FAM184B: variants seen among roughly 807,000 people sequenced by gnomAD.
FAM184B encodes the protein family with sequence similarity 184 member B.
A neutral mutation model predicts 135.9 loss-of-function variants in FAM184B; 111 were observed. The ratio of observed to expected loss-of-function variants is 0.82; its 90% CI spans 0.70 to 0.96. The LOEUF (loss-of-function observed/expected upper bound fraction) is 0.96, where lower values mean the gene tolerates loss of function less well. Ranked by LOEUF, FAM184B falls within the 40% of genes least tolerant of loss-of-function variation. The pLI is 0.00. For missense variants in FAM184B, 1,375 were observed against 1,323.9 expected (o/e 1.04, Z -0.60); for synonymous variants, 552 against 524.8 (o/e 1.05, Z -0.71).
At chr4:17,667,512 G>T (rs1716083751) in intron 7 of FAM184B, among the ~76,000 whole-genome samples, 1 of 152,212 alleles carries the variant, frequency 6.6e-6, no homozygotes. Context: ...TCATCATGGA[G>T]ATGGCACTTG....
chr4:17,727,904 T>A lies in FAM184B; in HGVS notation c.142-18260A>T, dbSNP rs1717678660. ...AAGGGTCAAATAAGCTTGGGGAGTGTTTGGTTAGCTCTGTTATAAAGACAT... is the reference window on the plus strand; with the variant it reads ...AAGGGTCAAATAAGCTTGGGGAGTGATTGGTTAGCTCTGTTATAAAGACAT... On this transcript the variant is annotated intron_variant, in intron 1 of 17. Coordinates refer to ENST00000265018, the MANE Select transcript of FAM184B (RefSeq NM_015688.2). Among the ~76,000 whole-genome samples, 3 of 152,020 alleles carry A rather than the reference T, an allele frequency of 2.0e-5. No individual in the cohort carries two copies. In the South Asian group the frequency reaches 6.2e-4, roughly 32 times the overall value.
intron 7 of FAM184B, among the ~76,000 whole-genome samples, chr4:17,677,192 T>C (rs1208461401): frequency 1.3e-5 from 2 of 152,034 alleles, no homozygotes; most frequent in Non-Finnish European, 2.9e-5. Flanking sequence ...GGACTACAGG[T>C]ACACACCACC....
intron 1 of FAM184B, among the ~76,000 whole-genome samples, chr4:17,714,179 T>G (rs1717356321): frequency 6.6e-6 from 1 of 152,180 alleles, no homozygotes. Flanking sequence ...TCATCAAGGA[T>G]TCACGCTTTC....
intron 1 of FAM184B, among the ~76,000 whole-genome samples, chr4:17,763,032 T>C (rs540841113): frequency 1.7e-4 from 26 of 152,212 alleles, no homozygotes; most frequent in Non-Finnish European, 3.8e-4. Context: ...GTGTTTTCTA[T>C]GGTTTTTGGA....
At chr4:17,732,958 T>C (rs964340814) in intron 1 of FAM184B, among the ~76,000 whole-genome samples, 2 of 152,146 alleles carry the variant, frequency 1.3e-5, no homozygotes, top group Admixed American at 1.3e-4. Flanking sequence ...GCAAACCGAA[T>C]CCAGCAGCAC....
chr4:17,650,450 C>G (rs954729434), intron 11 of FAM184B, among the ~76,000 whole-genome samples: 1 of 152,164 alleles, frequency 6.6e-6, no homozygotes, highest in Non-Finnish European at 1.5e-5. Context: ...TGCTGAGAAG[C>G]CCAGCCTTTC....
At chr4:17,687,526 G>A (rs952430542) in intron 7 of FAM184B, among the ~76,000 whole-genome samples, 2 of 152,158 alleles carry the variant, frequency 1.3e-5, no homozygotes, top group Non-Finnish European at 2.9e-5. Flanking sequence ...CTGTACCTAT[G>A]AATGTGATCT....
At chr4:17,673,916 T>TA (rs551350441) in intron 7 of FAM184B, among the ~76,000 whole-genome samples, 2 of 151,270 alleles carry the variant, frequency 1.3e-5, no homozygotes, top group East Asian at 1.9e-4. Context: ...CCTATGGAAA[T>TA]AAAAAAAAAT....
intron 13 of FAM184B, among the ~76,000 whole-genome samples, chr4:17,640,758 G>A (rs1256701400): frequency 6.6e-6 from 1 of 152,134 alleles, no homozygotes; most frequent in Admixed American, 6.5e-5. Context: ...TAAAGAAATT[G>A]AATTTGTATT....
chr4:17,706,482 G>A (rs747107035), intron 3 of FAM184B, among the ~76,000 whole-genome samples: 3 of 152,186 alleles, frequency 2.0e-5, no homozygotes, highest in Non-Finnish European at 4.4e-5. Flanking sequence ...CCTGAAGGCA[G>A]CTCCCAGGTT....
At chr4:17,699,808 T>A (rs1716944347) in intron 5 of FAM184B, among the ~76,000 whole-genome samples, 1 of 152,086 alleles carries the variant, frequency 6.6e-6, no homozygotes, top group Non-Finnish European at 1.5e-5. Flanking sequence ...CTCATTAACT[T>A]TTTTTTCTCT....
Position 17,781,171 on chromosome 4 carries a change from G to A in FAM184B, c.129C>T (p.Ala43=). 1 of 1,546,868 alleles carries A rather than the reference G, an allele frequency of 6.5e-7. No individual in the cohort carries two copies. Among genetic ancestry groups the A allele is most frequent in the Non-Finnish European group, 8.7e-7 (1 of 1,144,700 alleles). Reference sequence around the variant, plus strand: ...CGCCCCACCTTACCTTGGTGAGCTGGGCGATCTTCTTGCACATTTTCACGT... The same window carrying A: ...CGCCCCACCTTACCTTGGTGAGCTGAGCGATCTTCTTGCACATTTTCACGT... The part of the protein sequence containing the change: ...QMHVKMCKKI[A]QLTKVIYALN... The change falls in exon 1 of 18, where the codon GCC becomes GCT. Residue 43 remains alanine, a synonymous_variant. Coordinates refer to ENST00000265018, the MANE Select transcript of FAM184B (RefSeq NM_015688.2). The surrounding 1 kb of genome is among the most constrained non-coding windows in gnomAD (Gnocchi z 6.5).
chr4:17,758,789 AG>A (rs1718479405), intron 1 of FAM184B, among the ~76,000 whole-genome samples: 1 of 152,204 alleles, frequency 6.6e-6, no homozygotes, highest in African/African-American at 2.4e-5. Flanking sequence ...AGCACTCTGC[AG>A]TTGCAAAGCA....
chr4:17,726,473 G>C (rs1308021917), intron 1 of FAM184B, among the ~76,000 whole-genome samples: 1 of 152,144 alleles, frequency 6.6e-6, no homozygotes, highest in Admixed American at 6.5e-5. Context: ...CCAGGTTCAA[G>C]TGACTCTTGT....
Position 17,709,416 on chromosome 4 carries a change from A to T in FAM184B, c.370T>A (p.Ser124Thr). 6.6e-7 allele frequency: 1 copy of T among 1,517,958 alleles called. No individual in the cohort carries two copies. Among genetic ancestry groups the T allele is most frequent in the South Asian group, 1.3e-5 (1 of 79,898 alleles). The allele number at this position is 1,517,958 out of a possible 1,614,324, so 94.0% of individuals were successfully genotyped here. Reference sequence around the variant, plus strand: ...CTCTCCTTCGTCTCCAGCCTGCACGAGGCCGACTCAGCCAGCGCCTCCTCC... The same window carrying T: ...CTCTCCTTCGTCTCCAGCCTGCACGTGGCCGACTCAGCCAGCGCCTCCTCC... ...LTEEALAESA[S>T]CRLETKEREL... The change falls in exon 2 of 18, where the codon TCG becomes ACG. Residue 124 changes from serine (S) to threonine (T), a missense_variant. Transcript: ENST00000265018.
chr4:17,765,198 C>T (rs189209459), intron 1 of FAM184B, among the ~76,000 whole-genome samples: 1 of 152,096 alleles, frequency 6.6e-6, no homozygotes, highest in Non-Finnish European at 1.5e-5. Flanking sequence ...TTGTAGTTAC[C>T]GAGTCAGGAC....
intron 1 of FAM184B, among the ~76,000 whole-genome samples, chr4:17,761,780 C>CA (rs1381372434): frequency 6.6e-6 from 1 of 152,198 alleles, no homozygotes. Context: ...CTCAACCTCC[C>CA]AAAGTGCTGG....
At position 17,773,636 on chromosome 4, in the gene FAM184B, G is replaced by A. The variant is rs1049713137; in HGVS notation, c.141+7523C>T. Among the ~76,000 whole-genome samples the A allele has an allele frequency of 3.3e-5, 5 of 152,028 alleles. No individual in the cohort carries two copies. The East Asian group carries it at 7.7e-4, about 24-fold the overall frequency. On this transcript the variant is annotated intron_variant, in intron 1 of 17. Transcript: ENST00000265018. ...TTTGTTGCCCAGGCTGGAGTGCAGC[G>A]GCACAATCTTGGGTCACTGCAACCT...
At chr4:17,729,025 T>G (rs1717706982) in intron 1 of FAM184B, among the ~76,000 whole-genome samples, 1 of 152,196 alleles carries the variant, frequency 6.6e-6, no homozygotes. Context: ...AGACGGCACC[T>G]GGAAAATCGG....
Sources: allele counts gnomAD v4.1 joint callset (sites outside exome capture counted in the v4.1 genomes callset), GRCh38; gene constraint gnomAD v4.1.1; non-coding constraint Gnocchi (gnomAD v3.1); transcripts MANE v1.5; gene names NCBI Gene and HGNC (gene_info 2026-07-23, HGNC 2026-07-21).